ATXN7L2: variants seen among roughly 807,000 people sequenced by gnomAD.
The protein encoded by ATXN7L2 is ataxin-7-like protein 2.
ATXN7L2 carries 17 observed loss-of-function variants against 59.6 expected under a neutral mutation model. The observed-to-expected ratio is 0.29, with a 90% CI of 0.20 to 0.43. The LOEUF (loss-of-function observed/expected upper bound fraction) is 0.43, where lower values mean the gene tolerates loss of function less well. Among genes scored for constraint, ATXN7L2 ranks in the 20% least tolerant of loss-of-function variants. The pLI is 1.00. For missense variants in ATXN7L2, 858 were observed against 1,008.9 expected (o/e 0.85, Z 2.03); for synonymous variants, 378 against 392.5 (o/e 0.96, Z 0.44).
In ATXN7L2 at chr1:109,484,057, G is replaced by C; in HGVS notation, c.104G>C (p.Arg35Pro). ...AGQSWSSWVERADLPAADGAE... is the reference protein window; with the variant it reads ...AGQSWSSWVEPADLPAADGAE... ...CAGAGCTGGAGCTCGTGGGTGGAGC[G>C]GGCCGACCTGCCCGCGGCTGACGGT... The change falls in exon 1 of 11, where the codon CGG (arginine) becomes CCG (proline). Residue 35 changes from arginine (R) to proline (P), a missense_variant. By Grantham distance (103) the Arg-to-Pro change is moderately radical. This residue lies in a region of ATXN7L2 where 95 missense variants were observed against 82.6 expected (regional missense o/e 1.15). Coordinates refer to ENST00000683729, the MANE Select transcript of ATXN7L2 (RefSeq NM_001350175.2). The C allele has an allele frequency of 6.6e-7, 1 of 1,516,896 alleles. No homozygotes were observed. The highest frequency in any genetic ancestry group is 8.9e-7 in the Non-Finnish European group (1 of 1,129,504). The allele number at this position is 1,516,896 out of a possible 1,614,324, so 94.0% of individuals were successfully genotyped here.
At chr1:109,487,887 A>T (rs1656718250) in intron 5 of ATXN7L2, 83 bp downstream of exon 5, 1 of 1,463,866 alleles carries the variant, frequency 6.8e-7, no homozygotes, top group South Asian at 1.4e-5. Flanking sequence ...GATGAGGAGG[A>T]GGTCAGGTTT....
Position 109,492,520 on chromosome 1 carries a change from TCA to T in ATXN7L2, c.2251-64_2251-63del. The T allele has an allele frequency of 3.1e-6, 5 of 1,598,732 alleles. No individual in the cohort carries two copies. The African/African-American group carries it at 4.0e-5, about 13-fold the overall frequency. On this transcript the variant is annotated intron_variant, in intron 10 of 10. Transcript: ENST00000683729. ...CTTTAGCCTCTGTAGTGCACACAGT[TCA>T]CTGGGTAGGACAGCTGGTAGGCCCC...
Position 109,488,426 on chromosome 1 carries a change from A to G in ATXN7L2, c.840A>G (p.Pro280=). 1.9e-6 allele frequency: 3 copies of G among 1,605,600 alleles called. No homozygotes were observed. The highest frequency in any genetic ancestry group is 2.6e-6 in the Non-Finnish European group (3 of 1,174,220). Residue 280 remains proline, a synonymous_variant, in exon 6 of 11, where the codon CCA becomes CCG. Transcript: ENST00000683729. This position sits in a 1 kb window ranked among gnomAD's most constrained non-coding sequence, Gnocchi z 5.0. ...DLNRQCGVIN[P]ETKKICTRLL... is the part of the protein sequence containing the mutation. Reference sequence around the variant, plus strand: ...ACAGGCAGTGTGGGGTAATAAATCCAGAGACCAAAAAGATCTGTACCCGCC... The same window carrying G: ...ACAGGCAGTGTGGGGTAATAAATCCGGAGACCAAAAAGATCTGTACCCGCC...
chr1:109,485,150 T>G, intron 1 of ATXN7L2: 2 of 562,578 alleles, frequency 3.6e-6, no homozygotes, highest in Non-Finnish European at 4.5e-6. Context: ...ATGGGGCCAT[T>G]GTCAGGGTCT....
intron 1 of ATXN7L2, 87 bp downstream of exon 1, chr1:109,484,167 G>T (rs1256030525): frequency 4.1e-6 from 5 of 1,214,846 alleles, no homozygotes; most frequent in Admixed American, 3.9e-5. Context: ...GGGAGCCGCC[G>T]ACTGGAGCCG....
rs139880868 is a variant in ATXN7L2, at chr1:109,491,030, C to A, written c.1563C>A (p.Thr521=). ...TGTCPRLPGP[T]LRPACPASMP... ...CCTGCCCCCGCCTTCCAGGTCCAAC[C>A]CTGAGACCTGCCTGCCCAGCCTCCA... Residue 521 remains threonine (T), a synonymous_variant, in exon 10 of 11, where the codon ACC becomes ACA. Coordinates refer to ENST00000683729, the MANE Select transcript of ATXN7L2 (RefSeq NM_001350175.2). This position sits in a 1 kb window ranked among gnomAD's most constrained non-coding sequence, Gnocchi z 4.1. 1.6e-3 allele frequency: 2,645 copies of A among 1,613,752 alleles called. 5 individuals are homozygous for A. The highest frequency in any genetic ancestry group is 6.9e-3 in the Middle Eastern group (42 of 6,062).
In ATXN7L2 at chr1:109,488,417, A is replaced by T; in HGVS notation, c.831A>T (p.Val277=). 6.2e-7 allele frequency: 1 copy of T among 1,605,044 alleles called. No individual in the cohort carries two copies. The highest frequency in any genetic ancestry group is 1.7e-4 in the Middle Eastern group (1 of 6,052). Residue 277 remains valine (V), a synonymous_variant, in exon 6 of 11, where the codon GTA becomes GTT. Coordinates refer to ENST00000683729, the MANE Select transcript of ATXN7L2 (RefSeq NM_001350175.2). This position sits in a 1 kb window ranked among gnomAD's most constrained non-coding sequence, Gnocchi z 5.0. Reference sequence around the variant, plus strand: ...GCGACCTCAACAGGCAGTGTGGGGTAATAAATCCAGAGACCAAAAAGATCT... The same window carrying T: ...GCGACCTCAACAGGCAGTGTGGGGTTATAAATCCAGAGACCAAAAAGATCT... ...KECDLNRQCG[V]INPETKKICT...
chr1:109,487,474 C>T (rs1656677019), intron 4 of ATXN7L2, 44 bp from the exon 5 acceptor site: 2 of 1,451,240 alleles, frequency 1.4e-6, no homozygotes, highest in Admixed American at 2.6e-5. Flanking sequence ...CCAGGCCTCG[C>T]CTCCCCTCCC....
chr1:109,485,819 G>A, intron 1 of ATXN7L2: 1 of 1,188,346 alleles, frequency 8.4e-7, no homozygotes, highest in East Asian at 3.6e-5. Flanking sequence ...AGATGCAGCA[G>A]GTGAAGGAAG....
At chr1:109,485,855 GA>G in intron 1 of ATXN7L2, 1 of 1,227,736 alleles carries the variant, frequency 8.1e-7, no homozygotes. Flanking sequence ...TGGACCCACT[GA>G]AAGGTTCCCC....
chr1:109,487,249 G>C (rs372080468), intron 4 of ATXN7L2, 32 bp downstream of exon 4: 154 of 1,473,308 alleles, frequency 1.0e-4, no homozygotes, highest in Middle Eastern at 8.0e-4. Flanking sequence ...TCTAAGACTG[G>C]CCCTGACCCT....
At chr1:109,487,959 T>C (rs1010217919) in intron 5 of ATXN7L2, among the ~76,000 whole-genome samples, 155 bp downstream of exon 5, 2 of 152,208 alleles carry the variant, frequency 1.3e-5, no homozygotes, top group African/African-American at 4.8e-5. Flanking sequence ...ACCTGCTTGC[T>C]TCCTGGGAAG....
Position 109,490,271 on chromosome 1 carries a change from T to C in ATXN7L2, c.1333T>C (p.Phe445Leu). The change falls in exon 9 of 11, where the codon TTC becomes CTC. Residue 445 changes from phenylalanine to leucine, a missense_variant and splice_region_variant. Coordinates refer to ENST00000683729, the MANE Select transcript of ATXN7L2 (RefSeq NM_001350175.2). ...CCATGCACCTTCCTTCTGCCTTTAG[T>C]TCTGCACCTTTGGGAGCCGGCTGGT... Reference protein sequence around the residue: ...YATRPPRPQAFCTFGSRLVSP... With the variant: ...YATRPPRPQALCTFGSRLVSP... 1.2e-6 allele frequency: 2 copies of C among 1,613,734 alleles called. No homozygotes were observed. Among genetic ancestry groups the C allele is most frequent in the Non-Finnish European group, 1.7e-6 (2 of 1,179,974 alleles).
At position 109,486,145 on chromosome 1, in the gene ATXN7L2, G is replaced by A. The variant is rs1360232395; in HGVS notation, c.193+23G>A. ...AAGGTGGGAGTCGACACACATTAGG[G>A]CTGGGACCCAGGGCAGACAGGACCA... On this transcript the variant is annotated intron_variant, in intron 2 of 10. Transcript: ENST00000683729. The surrounding 1 kb of genome is among the most constrained non-coding windows in gnomAD (Gnocchi z 4.3). 6.4e-7 allele frequency: 1 copy of A among 1,560,994 alleles called. No individual in the cohort carries two copies. The highest frequency in any genetic ancestry group is 1.4e-5 in the African/African-American group (1 of 72,804).
rs530362212 is a variant in ATXN7L2, at chr1:109,487,398, C to G, written c.510-120C>G. ...GGGTCTCCTCTTCCCGTGTTTCACA[C>G]CCCTGCTGGAGCCCACCCAAATTCC... On this transcript the variant is annotated intron_variant, in intron 4 of 10. Coordinates refer to ENST00000683729, the MANE Select transcript of ATXN7L2 (RefSeq NM_001350175.2). The G allele has an allele frequency of 8.9e-6, 11 of 1,229,622 alleles. No homozygotes were observed. In the East Asian group the frequency reaches 2.7e-4, roughly 31 times the overall value. 76.2% of individuals were successfully genotyped at this position (1,229,622 alleles called of 1,614,324 possible). A position where few individuals can be genotyped will look rare whatever the true frequency, so the allele number is the denominator to read the frequency against.
At chr1:109,487,977 C>T (rs891352070) in intron 5 of ATXN7L2, among the ~76,000 whole-genome samples, 173 bp downstream of exon 5, 5 of 152,320 alleles carry the variant, frequency 3.3e-5, no homozygotes, top group African/African-American at 1.2e-4. Flanking sequence ...AAGCTTCTCT[C>T]CATCCTGTGT....
At chr1:109,489,867 G>A in intron 7 of ATXN7L2, 63 bp from the exon 8 acceptor site, 2 of 1,582,104 alleles carry the variant, frequency 1.3e-6, no homozygotes, top group Non-Finnish European at 1.7e-6. Context: ...GCAGGTTCAA[G>A]GATGCCCCTA....
chr1:109,491,439 C>T lies in ATXN7L2; in HGVS notation c.1972C>T (p.Pro658Ser), dbSNP rs563921907. 6 of 1,614,120 alleles carry T rather than the reference C, an allele frequency of 3.7e-6. No individual in the cohort carries two copies. Among genetic ancestry groups the T allele is most frequent in the Middle Eastern group, 1.6e-4 (1 of 6,062 alleles). ...TMGPRVKRAG[P>S]LDCRGSPHQL... ...GGGGCCAAGAGTGAAGCGGGCAGGG[C>T]CCCTGGACTGTCGTGGCTCCCCTCA... The change falls in exon 10 of 11, where the codon CCC (proline) becomes TCC (serine). Residue 658 changes from proline (P) to serine (S), a missense_variant. By Grantham distance (74) the Pro-to-Ser change is moderately conservative (BLOSUM62 -1). Coordinates refer to ENST00000683729, the MANE Select transcript of ATXN7L2 (RefSeq NM_001350175.2). This position sits in a 1 kb window ranked among gnomAD's most constrained non-coding sequence, Gnocchi z 4.1.
chr1:109,491,615 C>T lies in ATXN7L2; in HGVS notation c.2148C>T (p.Ala716=), dbSNP rs969215177. The change falls in exon 10 of 11, where the codon GCC becomes GCT. Residue 716 remains alanine (A), a synonymous_variant. Transcript: ENST00000683729. The surrounding 1 kb of genome is among the most constrained non-coding windows in gnomAD (Gnocchi z 4.1). ...CCACTTATTGCCGGCCAGTGAAGGCCAAGCACTGTCAGGCTGGTGCCCCTG... is the reference window on the plus strand; with the variant it reads ...CCACTTATTGCCGGCCAGTGAAGGCTAAGCACTGTCAGGCTGGTGCCCCTG... The part of the protein sequence containing the change: ...NLATYCRPVK[A]KHCQAGAPAD... 3.3e-5 allele frequency: 53 copies of T among 1,613,484 alleles called. No individual in the cohort carries two copies. Among genetic ancestry groups the T allele is most frequent in the Non-Finnish European group, 4.2e-5 (50 of 1,179,944 alleles).
Sources: gnomAD v4.1 joint callset for allele counts (sites outside exome capture counted in the v4.1 genomes callset) on GRCh38, gnomAD v4.1.1 for gene constraint, gnomAD v4.1.1 regional missense constraint, Gnocchi (gnomAD v3.1) non-coding constraint, MANE v1.5 for transcripts, NCBI Gene and HGNC (gene_info 2026-07-23, HGNC 2026-07-21) for gene names.